The following AKR7A3 variants were observed in gnomAD, a reference collection of about 807,000 sequenced individuals.
The protein encoded by AKR7A3 is AFB1 aldehyde reductase 2.
In AKR7A3, 37 loss-of-function variants were observed where a neutral mutation model predicts 32.5. That is an observed-to-expected ratio of 1.14 (90% CI 0.88 to 1.50). The LOEUF (loss-of-function observed/expected upper bound fraction) is 1.50. Among genes scored for constraint, AKR7A3 ranks in the 40% most tolerant of loss-of-function variants. AKR7A3 has a pLI of 0.00. For synonymous variants in AKR7A3, 177 were observed against 188.4 expected (o/e 0.94, Z 0.50); for missense variants, 412 against 453.2 (o/e 0.91, Z 0.83).
Position 19,286,010 on chromosome 1 carries a change from C to T in AKR7A3, c.403-18G>A. The T allele has an allele frequency of 6.2e-7, 1 of 1,613,488 alleles. No homozygotes were observed. Among genetic ancestry groups the T allele is most frequent in the Non-Finnish European group, 8.5e-7 (1 of 1,179,840 alleles). ...AACTTGCCCTGCTCAGGTGAGGCTCCAGTCAGAACATAGTGCAGCCCAGAC... is the reference window on the plus strand; with the variant it reads ...AACTTGCCCTGCTCAGGTGAGGCTCTAGTCAGAACATAGTGCAGCCCAGAC... On this transcript the variant is annotated intron_variant, in intron 2 of 6. Transcript: ENST00000361640.
intron 3 of AKR7A3, 70 bp from the exon 4 acceptor site, chr1:19,285,184 A>G: frequency 6.9e-7 from 1 of 1,439,944 alleles, no homozygotes; most frequent in South Asian, 1.2e-5. Context: ...TTACCCTTCC[A>G]GAACCCTTAT....
At position 19,284,113 on chromosome 1, in the gene AKR7A3, C is replaced by T; in HGVS notation, c.717G>A (p.Glu239=). The change falls in exon 6 of 7, where the codon GAG becomes GAA. Residue 239 remains glutamate (E), a synonymous_variant. Transcript: ENST00000361640. ...AEMYRNRYWK[E]HHFEGIALVE... is the part of the protein sequence containing the mutation. ...CCAGGGCAATGCCCTCAAAGTGGTG[C>T]TCCTTCCAGTAGCTGGGAAGGGGGG... 1 of 1,611,954 alleles carries T rather than the reference C, an allele frequency of 6.2e-7. No individual in the cohort carries two copies. Among genetic ancestry groups the T allele is most frequent in the Non-Finnish European group, 8.5e-7 (1 of 1,178,930 alleles).
At chr1:19,274,884 ATCTGTCTCT>A in the AKR7A3 span, among the ~76,000 whole-genome samples, 1 of 133,982 alleles carries the variant, frequency 7.5e-6, no homozygotes. Flanking sequence ...CAGAGGGCAA[ATCTGTCTCT>A]AAATACAAAA....
downstream of AKR7A3, among the ~76,000 whole-genome samples, chr1:19,282,402 C>A (rs750097214): frequency 6.6e-6 from 1 of 151,784 alleles, no homozygotes; most frequent in South Asian, 2.1e-4. Flanking sequence ...GCCGCTTCCC[C>A]CTCTGCCATG....
At chr1:19,281,649 A>G (rs1307716300), downstream of AKR7A3, among the ~76,000 whole-genome samples, 1 of 151,944 alleles carries the variant, frequency 6.6e-6, no homozygotes, top group Non-Finnish European at 1.5e-5. Flanking sequence ...AATTAAAAAA[A>G]TAAAAATAAA....
downstream of AKR7A3, among the ~76,000 whole-genome samples, chr1:19,278,131 G>GT (rs1174299296): frequency 6.6e-6 from 1 of 151,790 alleles, no homozygotes; most frequent in African/African-American, 2.4e-5. Flanking sequence ...ATTTGAGTTA[G>GT]TTTTTTTGTG....
In AKR7A3 at chr1:19,288,741, G is replaced by A. The variant is rs1423003675; in HGVS notation, c.-32C>T. The A allele has an allele frequency of 9.1e-6, 13 of 1,433,752 alleles. No individual in the cohort carries two copies. In the South Asian group the frequency reaches 1.9e-4, roughly 21 times the overall value. 88.8% of individuals were successfully genotyped at this position (1,433,752 alleles called of 1,614,324 possible). A position where few individuals can be genotyped will look rare whatever the true frequency, so the allele number is the denominator to read the frequency against. On this transcript the variant is annotated 5_prime_UTR_variant, in exon 1 of 7. Coordinates refer to ENST00000361640, the MANE Select transcript of AKR7A3 (RefSeq NM_012067.3). Reference sequence around the variant, plus strand: ...GGCAACGGGAGACTGTGACAGCCCAGGAGCCGCGCGCAGCGGTCGGAAGCA... The same window carrying A: ...GGCAACGGGAGACTGTGACAGCCCAAGAGCCGCGCGCAGCGGTCGGAAGCA...
intron 5 of AKR7A3, 118 bp from the exon 6 acceptor site, chr1:19,284,243 T>C (rs1323415040): frequency 7.2e-7 from 1 of 1,394,778 alleles, no homozygotes. Flanking sequence ...AGGTGTTCTC[T>C]CTAGCCATGG....
chr1:19,283,942 T>C (rs2093723337), intron 6 of AKR7A3, 54 bp downstream of exon 6: 1 of 1,610,024 alleles, frequency 6.2e-7, no homozygotes, highest in Non-Finnish European at 8.5e-7. Context: ...CATCTAAAGA[T>C]ATTGCTGGTT....
At chr1:19,284,964 G>A (rs2093726656) in intron 4 of AKR7A3, 54 bp downstream of exon 4, 3 of 1,608,590 alleles carry the variant, frequency 1.9e-6, no homozygotes, top group Non-Finnish European at 2.5e-6. Flanking sequence ...GTCCTGGGCT[G>A]GGCATCTGTG....
chr1:19,275,285 C>A, the AKR7A3 span, among the ~76,000 whole-genome samples: 1 of 151,714 alleles, frequency 6.6e-6, no homozygotes, highest in Non-Finnish European at 1.5e-5. Context: ...GTGGCACATG[C>A]CCGTAATCCC....
the AKR7A3 span, among the ~76,000 whole-genome samples, chr1:19,275,796 C>A: frequency 6.6e-6 from 1 of 151,728 alleles, no homozygotes; most frequent in Non-Finnish European, 1.5e-5. Context: ...CAGATTGAGA[C>A]CCTGTCTCAA....
At chr1:19,285,233 CG>C in intron 3 of AKR7A3, 119 bp from the exon 4 acceptor site, 1 of 944,044 alleles carries the variant, frequency 1.1e-6, no homozygotes, top group Non-Finnish European at 1.6e-6. Flanking sequence ...ACCGTCTGGG[CG>C]TATACTTATT....
rs867910201 is a variant in AKR7A3, at chr1:19,286,349, G to C, written c.238C>G (p.Pro80Ala). The C allele has an allele frequency of 4.3e-6, 7 of 1,613,720 alleles. No homozygotes were observed. The highest frequency in any genetic ancestry group is 1.7e-5 in the Admixed American group (1 of 59,990). Residue 80 changes from proline to alanine, a missense_variant, in exon 2 of 7, where the codon CCA (proline) becomes GCA (alanine). Transcript: ENST00000361640. ...CRVKIDTKAI[P>A]LFGNSLKPDS... The stretch of plus-strand genomic sequence containing the variant: ...GGCTTCAGGGAGTTCCCAAACAGTG[G>C]AATGGCCTTGGTATCAATTTTCACT...
the AKR7A3 span, among the ~76,000 whole-genome samples, chr1:19,277,135 T>C: frequency 1.3e-5 from 2 of 151,278 alleles, no homozygotes; most frequent in East Asian, 1.9e-4. Flanking sequence ...AAGAAAAAAA[T>C]AAACAAATAA....
At chr1:19,287,528 C>A (rs1367013099) in intron 1 of AKR7A3, among the ~76,000 whole-genome samples, 1 of 151,880 alleles carries the variant, frequency 6.6e-6, no homozygotes, top group Non-Finnish European at 1.5e-5. Context: ...TTTCCCAGCC[C>A]TCACTATGTG....
rs1383139132 is a variant in AKR7A3 at position 19,288,678 on chromosome 1, G to A, written c.32C>T (p.Ala11Val). Residue 11 changes from alanine (A) to valine (V), a missense_variant, in exon 1 of 7, where the codon GCC (alanine) becomes GTC (valine). Ala to Val is a moderately conservative substitution (Grantham distance 64). Transcript: ENST00000361640. Reference protein sequence around the residue: MSRQLSRARPATVLGAMEMGR... With the variant: MSRQLSRARPVTVLGAMEMGR... ...CATCTCCATGGCGCCCAGCACCGTG[G>A]CTGGCCGGGCCCGCGACAGCTGCCG... is the stretch of plus-strand genomic sequence containing the variant. 2.0e-6 allele frequency: 3 copies of A among 1,523,392 alleles called. No homozygotes were observed. The highest frequency in any genetic ancestry group is 2.5e-5 in the East Asian group (1 of 40,104). 94.4% of individuals were successfully genotyped at this position (1,523,392 alleles called of 1,614,324 possible).
the AKR7A3 span, among the ~76,000 whole-genome samples, chr1:19,276,294 G>C: frequency 6.8e-6 from 1 of 146,622 alleles, no homozygotes; most frequent in South Asian, 2.2e-4. Flanking sequence ...CCAGGAGGCA[G>C]AGGTTGCAGT....
At chr1:19,285,506 G>T (rs370401664) in intron 3 of AKR7A3, among the ~76,000 whole-genome samples, 1 of 151,724 alleles carries the variant, frequency 6.6e-6, no homozygotes. Context: ...TGAATCATGA[G>T]GAGGTAAACA....
Sources: allele counts gnomAD v4.1 joint callset (sites outside exome capture counted in the v4.1 genomes callset), GRCh38; gene constraint gnomAD v4.1.1; transcripts MANE v1.5; gene names NCBI Gene and HGNC (gene_info 2026-07-23, HGNC 2026-07-21).